PPM1H: variants seen among roughly 807,000 people sequenced by gnomAD.
PPM1H encodes protein phosphatase, Mg2+/Mn2+ dependent 1H.
In PPM1H, 27 loss-of-function variants were observed where a neutral mutation model predicts 54.9. The observed-to-expected ratio is 0.49, with a 90% CI of 0.36 to 0.68. PPM1H has a LOEUF of 0.68. PPM1H is among the 30% of genes least tolerant of loss of function. The pLI, the probability that PPM1H is intolerant of heterozygous loss-of-function variation, is 0.00. For missense variants in PPM1H, 596 were observed against 667.8 expected (o/e 0.89, Z 1.19); for synonymous variants, 305 against 270.8 (o/e 1.13, Z -1.24).
intron 6 of PPM1H, among the ~76,000 whole-genome samples, chr12:62,700,443 TG>T (rs1480557095): frequency 1.4e-4 from 22 of 152,358 alleles, no homozygotes; most frequent in African/African-American, 5.3e-4. Flanking sequence ...CAAAGCTTTT[TG>T]ATACTTTTCT....
At chr12:62,777,477 A>C (rs1044769335) in intron 4 of PPM1H, among the ~76,000 whole-genome samples, 30 of 152,196 alleles carry the variant, frequency 2.0e-4, no homozygotes, top group African/African-American at 7.0e-4. Flanking sequence ...TCCTGCTCCT[A>C]CCATGACATT....
chr12:62,780,676 T>C (rs1266065072), intron 4 of PPM1H, among the ~76,000 whole-genome samples: 5 of 152,208 alleles, frequency 3.3e-5, no homozygotes, highest in Admixed American at 3.3e-4. Flanking sequence ...TCACCTGGTA[T>C]TTACCCACTT....
chr12:62,727,042 G>A (rs2076293585), intron 5 of PPM1H, among the ~76,000 whole-genome samples: 1 of 151,950 alleles, frequency 6.6e-6, no homozygotes. Context: ...AGCCTCCTGA[G>A]TAGCTAGGAT....
chr12:62,770,302 T>A (rs148614846), intron 4 of PPM1H, among the ~76,000 whole-genome samples: 211 of 152,226 alleles, frequency 1.4e-3, no homozygotes, highest in African/African-American at 4.9e-3. Flanking sequence ...CCTCTTATTA[T>A]CCCCATTTCC....
At chr12:62,855,628 C>T (rs1256399125) in intron 1 of PPM1H, among the ~76,000 whole-genome samples, 1 of 152,112 alleles carries the variant, frequency 6.6e-6, no homozygotes, top group African/African-American at 2.4e-5. Context: ...TGTATGAATC[C>T]AATCTTCCGG....
chr12:62,881,067 A>T (rs1870376868), intron 1 of PPM1H, among the ~76,000 whole-genome samples: 1 of 152,212 alleles, frequency 6.6e-6, no homozygotes, highest in Non-Finnish European at 1.5e-5. Flanking sequence ...TAACATAAGA[A>T]GGCACAAAGT....
intron 9 of PPM1H, among the ~76,000 whole-genome samples, chr12:62,651,075 C>T (rs972431570): frequency 1.8e-4 from 27 of 152,174 alleles, no homozygotes; most frequent in African/African-American, 6.3e-4. Context: ...GTTTATTTGC[C>T]TATCAGGCCT....
intron 2 of PPM1H, among the ~76,000 whole-genome samples, chr12:62,830,849 AT>A (rs61217371): frequency 0.089 from 13,600 of 152,070 alleles, 1,009 homozygotes; most frequent in African/African-American, 0.21. Context: ...ATGAAACACT[AT>A]TTCTTTTTCT....
At chr12:62,674,169 A>C (rs2075973309) in intron 8 of PPM1H, among the ~76,000 whole-genome samples, 1 of 152,242 alleles carries the variant, frequency 6.6e-6, no homozygotes, top group South Asian at 2.1e-4. Flanking sequence ...CTTTTATGGC[A>C]CTGATCTCAG....
chr12:62,788,144 C>A, intron 4 of PPM1H, 82 bp downstream of exon 4: 1 of 967,696 alleles, frequency 1.0e-6, no homozygotes, highest in Non-Finnish European at 1.6e-6. Flanking sequence ...TTAATTATTT[C>A]TAATCATTTA....
intron 6 of PPM1H, among the ~76,000 whole-genome samples, chr12:62,716,232 C>T (rs1456936198): frequency 6.6e-6 from 1 of 152,192 alleles, no homozygotes; most frequent in East Asian, 1.9e-4. Context: ...AAGCACCACA[C>T]ACTCTGAAGT....
At chr12:62,895,459 A>G (rs1459720261) in intron 1 of PPM1H, among the ~76,000 whole-genome samples, 1 of 152,208 alleles carries the variant, frequency 6.6e-6, no homozygotes, top group Non-Finnish European at 1.5e-5. Context: ...TTAGACCAAC[A>G]GCAGCAGCAG....
intron 1 of PPM1H, among the ~76,000 whole-genome samples, chr12:62,846,999 C>A (rs1868996322): frequency 6.6e-6 from 1 of 152,180 alleles, no homozygotes; most frequent in Non-Finnish European, 1.5e-5. Flanking sequence ...CTCCCTTTCT[C>A]CTAGACATCA....
intron 5 of PPM1H, among the ~76,000 whole-genome samples, chr12:62,733,305 GT>G (rs1266245736): frequency 3.3e-5 from 5 of 152,182 alleles, no homozygotes; most frequent in South Asian, 2.1e-4. Flanking sequence ...CCAGGCTGGA[GT>G]TGCAGTGGCA....
intron 4 of PPM1H, among the ~76,000 whole-genome samples, chr12:62,779,148 C>T (rs1218130519): frequency 6.6e-6 from 1 of 152,078 alleles, no homozygotes; most frequent in Non-Finnish European, 1.5e-5. Flanking sequence ...AGCAATTCTC[C>T]TGCCTCAGCC....
At chr12:62,680,899 C>T (rs1191003564) in intron 8 of PPM1H, among the ~76,000 whole-genome samples, 1 of 152,150 alleles carries the variant, frequency 6.6e-6, no homozygotes, top group African/African-American at 2.4e-5. Context: ...AAACATGGGA[C>T]ACTGAACTCC....
At chr12:62,776,192 T>A (rs2076610004) in intron 4 of PPM1H, among the ~76,000 whole-genome samples, 1 of 152,072 alleles carries the variant, frequency 6.6e-6, no homozygotes, top group African/African-American at 2.4e-5. Context: ...GAGATTTGGG[T>A]GGGGACACAG....
chr12:62,846,604 G>A (rs776626402), intron 1 of PPM1H, among the ~76,000 whole-genome samples: 5 of 148,676 alleles, frequency 3.4e-5, no homozygotes, highest in Admixed American at 6.8e-5. Flanking sequence ...TGGTCTCCTC[G>A]CACCCCCTCA....
At chr12:62,827,470 C>T (rs1565801251) in intron 2 of PPM1H, among the ~76,000 whole-genome samples, 1 of 152,152 alleles carries the variant, frequency 6.6e-6, no homozygotes, top group East Asian at 1.9e-4. Context: ...CCTGGCCTTC[C>T]CAAGTCAGCC....
Sources: gnomAD v4.1 joint callset for allele counts (sites outside exome capture counted in the v4.1 genomes callset) on GRCh38, gnomAD v4.1.1 for gene constraint, MANE v1.5 for transcripts, NCBI Gene and HGNC (gene_info 2026-07-23, HGNC 2026-07-21) for gene names.